Variants in NPLOC4 observed in about 807,000 individuals in gnomAD.
The protein encoded by NPLOC4 is nuclear protein localization protein 4 homolog.
A neutral mutation model predicts 80.6 loss-of-function variants in NPLOC4; 18 were observed. That is an observed-to-expected ratio of 0.22 (90% CI 0.15 to 0.33). The LOEUF is 0.33. Among genes scored for constraint, NPLOC4 ranks in the 10% least tolerant of loss-of-function variants. The pLI, the probability that NPLOC4 is intolerant of heterozygous loss-of-function variation, is 1.00. For synonymous variants in NPLOC4, 313 were observed against 301.5 expected (o/e 1.04, Z -0.39); for missense variants, 540 against 786.1 (o/e 0.69, Z 3.74).
intron 11 of NPLOC4, among the ~76,000 whole-genome samples, chr17:81,594,955 AAAC>A (rs1259372044): frequency 1.3e-5 from 2 of 151,924 alleles, no homozygotes; most frequent in African/African-American, 4.8e-5. Flanking sequence ...ACAAACGAAC[AAAC>A]AAAAAAAAAA....
chr17:81,565,244 T>G (rs2033973504), intron 16 of NPLOC4: 1 of 663,590 alleles, frequency 1.5e-6, no homozygotes, highest in Non-Finnish European at 2.8e-6. Flanking sequence ...GAGATTAGTA[T>G]CTCTGATGTA....
chr17:81,560,786 C>G (rs2144006024), intron 16 of NPLOC4: 1 of 152,364 alleles, frequency 6.6e-6, no homozygotes, highest in Admixed American at 6.5e-5. Context: ...GACCCTGAGA[C>G]ACAGTTCTCG....
At chr17:81,590,342 C>A (rs1332050043) in intron 11 of NPLOC4, among the ~76,000 whole-genome samples, 1 of 152,160 alleles carries the variant, frequency 6.6e-6, no homozygotes, top group African/African-American at 2.4e-5. Flanking sequence ...GGCTGAGAGG[C>A]GGCAGTGTGG....
In NPLOC4 at chr17:81,576,755, A is replaced by G. The variant is rs147264880; in HGVS notation, c.1282-4667T>C. ...AAATACTTAAGTGCACACAGAGGCT[A>G]CTCACAAAGAAAACAGTCAGTAAAC... On this transcript the variant is annotated intron_variant, in intron 12 of 16. Coordinates refer to ENST00000331134, the MANE Select transcript of NPLOC4 (RefSeq NM_017921.4). Among the ~76,000 whole-genome samples the G allele has an allele frequency of 5.5e-3, 840 of 152,308 alleles. 11 individuals carry two copies. Among genetic ancestry groups the G allele is most frequent in the African/African-American group, 0.019 (788 of 41,558 alleles).
rs1050684961 is a variant in NPLOC4, at chr17:81,570,941, G to A, written c.1353+1076C>T. Among the ~76,000 whole-genome samples, 4 of 112,304 alleles carry A rather than the reference G, an allele frequency of 3.6e-5. No homozygotes were observed. In the Admixed American group the frequency reaches 4.4e-4, roughly 12 times the overall value. 73.7% of individuals were successfully genotyped at this position (112,304 alleles called of 152,430 possible). A position where few individuals can be genotyped will look rare whatever the true frequency, so the allele number is the denominator to read the frequency against. On this transcript the variant is annotated intron_variant, in intron 13 of 16. Transcript: ENST00000331134. ...CAAAAACTTAACTTCCTTTATAAAA[G>A]AAGAGGAAAGAAGTGGGGAGGCTGC...
At chr17:81,589,548 A>T (rs2034680615) in intron 11 of NPLOC4, among the ~76,000 whole-genome samples, 1 of 148,538 alleles carries the variant, frequency 6.7e-6, no homozygotes, top group African/African-American at 2.5e-5. Context: ...AAAAAAAAAA[A>T]TTCAGTAGTC....
intron 11 of NPLOC4, 77 bp downstream of exon 11, chr17:81,596,039 T>C: frequency 6.9e-7 from 1 of 1,454,166 alleles, no homozygotes. Context: ...AAGTTAAGGA[T>C]AAAAAGCTAC....
intron 11 of NPLOC4, among the ~76,000 whole-genome samples, chr17:81,590,431 A>G (rs1364901065): frequency 6.6e-6 from 1 of 152,242 alleles, no homozygotes; most frequent in Non-Finnish European, 1.5e-5. Context: ...GGAGGCAGGC[A>G]TGGGGGAGAT....
Position 81,580,051 on chromosome 17 carries a change from C to T in NPLOC4, c.1282-7963G>A, listed in dbSNP as rs1292605707. Among the ~76,000 whole-genome samples the T allele has an allele frequency of 1.3e-5, 2 of 152,142 alleles. No individual in the cohort carries two copies. Among genetic ancestry groups the T allele is most frequent in the East Asian group, 3.9e-4 (2 of 5,174 alleles). On this transcript the variant is annotated intron_variant, in intron 12 of 16. Transcript: ENST00000331134. The surrounding 1 kb of genome is among the most constrained non-coding windows in gnomAD (Gnocchi z 4.4). ...CCTTTCTTGCCTGCCTTCCAGGGCG[C>T]TATGCTCCTGCCCCTCCTCCCCAGC...
In NPLOC4 at chr17:81,618,359, G is replaced by A. The variant is rs532455881; in HGVS notation, c.209+3807C>T. ...CTCTGCCTGGCCGCGACCCCGTCTG[G>A]GAGGTGAGGAGCGTCTCTGCCTGGC... is the stretch of plus-strand genomic sequence containing the variant. On this transcript the variant is annotated intron_variant, in intron 3 of 16. Transcript: ENST00000331134. Among the ~76,000 whole-genome samples the A allele has an allele frequency of 6.5e-3, 988 of 151,514 alleles. 6 individuals carry two copies. Among genetic ancestry groups the A allele is most frequent in the Middle Eastern group, 0.017 (5 of 290 alleles).
chr17:81,566,761 G>C (rs925963122), intron 15 of NPLOC4: 16 of 152,394 alleles, frequency 1.0e-4, no homozygotes, highest in Non-Finnish European at 7.3e-5. Flanking sequence ...GAAAGAATTT[G>C]CTCCTTTCTC....
chr17:81,590,578 C>G (rs2034712358), intron 11 of NPLOC4, among the ~76,000 whole-genome samples: 1 of 152,098 alleles, frequency 6.6e-6, no homozygotes, highest in Non-Finnish European at 1.5e-5. Flanking sequence ...ACTCCTGGCC[C>G]CATGTGATCC....
At chr17:81,601,387 T>C (rs1277545526) in intron 8 of NPLOC4, among the ~76,000 whole-genome samples, 1 of 152,194 alleles carries the variant, frequency 6.6e-6, no homozygotes, top group African/African-American at 2.4e-5. Flanking sequence ...AGGAGTTGTT[T>C]AATGACATGT....
Position 81,607,478 on chromosome 17 carries a change from C to T in NPLOC4, c.531-664G>A, listed in dbSNP as rs1048983737. ...ATAAAAACGATATATTTACAGTGTA[C>T]GAAATGATATTCTGAAACATGTCCA... On this transcript the variant is annotated intron_variant, in intron 6 of 16. Transcript: ENST00000331134. Among the ~76,000 whole-genome samples, 3 of 151,490 alleles carry T rather than the reference C, an allele frequency of 2.0e-5. No homozygotes were observed. The South Asian group carries it at 6.2e-4, about 31-fold the overall frequency.
At chr17:81,590,308 G>A (rs1164991747) in intron 11 of NPLOC4, among the ~76,000 whole-genome samples, 1 of 152,154 alleles carries the variant, frequency 6.6e-6, no homozygotes, top group Non-Finnish European at 1.5e-5. Flanking sequence ...GACTTCATGT[G>A]GGGACAGGAG....
chr17:81,586,170 G>C (rs1416017587), intron 12 of NPLOC4, among the ~76,000 whole-genome samples: 1 of 152,156 alleles, frequency 6.6e-6, no homozygotes, highest in Non-Finnish European at 1.5e-5. Flanking sequence ...CAGCAAAGGG[G>C]ACTGTGGCAC....
intron 2 of NPLOC4, among the ~76,000 whole-genome samples, chr17:81,628,512 C>T (rs2035856168): frequency 6.7e-6 from 1 of 149,320 alleles, no homozygotes; most frequent in Non-Finnish European, 1.5e-5. Flanking sequence ...GATGCCATCT[C>T]AAAAAAAAAG....
At position 81,558,590 on chromosome 17, in the gene NPLOC4, AAAAT is replaced by A. The variant is rs1250934005; in HGVS notation, c.*665_*668del. ...TTTTGTGCAGTTTTTATCTTAAAAA[AAAAT>A]AAATAAAAGTCTTCTGGGCAGGAAT... On this transcript the variant is annotated 3_prime_UTR_variant, in exon 17 of 17. Transcript: ENST00000331134. 1.3e-5 allele frequency: 2 copies of A among 152,224 alleles called. No individual in the cohort carries two copies. Among genetic ancestry groups the A allele is most frequent in the Non-Finnish European group, 2.9e-5 (2 of 68,054 alleles). 9.4% of individuals were successfully genotyped at this position (152,224 alleles called of 1,614,324 possible).
At chr17:81,581,375 A>ATC (rs71367066) in intron 12 of NPLOC4, among the ~76,000 whole-genome samples, 7 of 72,810 alleles carry the variant, frequency 9.6e-5, no homozygotes, top group African/African-American at 2.8e-4. Context: ...AAAAAAAAAA[A>ATC]AGTTAATAAA....
Sources: allele counts gnomAD v4.1 joint callset (sites outside exome capture counted in the v4.1 genomes callset), GRCh38; gene constraint gnomAD v4.1.1; non-coding constraint Gnocchi (gnomAD v3.1); transcripts MANE v1.5; gene names NCBI Gene and HGNC (gene_info 2026-07-23, HGNC 2026-07-21).